The following ATP8B4 variants were observed in gnomAD, a reference collection of about 807,000 sequenced individuals.
ATP8B4 encodes the protein probable phospholipid-transporting ATPase IM.
ATP8B4 carries 133 observed loss-of-function variants against 145.6 expected under a neutral mutation model. The ratio of observed to expected loss-of-function variants is 0.91; its 90% CI spans 0.79 to 1.05. The LOEUF (loss-of-function observed/expected upper bound fraction) is 1.05, where lower values mean the gene tolerates loss of function less well. Among genes scored for constraint, ATP8B4 ranks in the 50% least tolerant of loss-of-function variants. The probability of loss-of-function intolerance (pLI) is 0.00; values close to 1 mark genes in which losing one functional copy is unlikely to be tolerated. For missense variants in ATP8B4, 1,458 were observed against 1,425.2 expected, an observed-to-expected ratio of 1.02 and a Z score of -0.37; for synonymous variants, 507 against 492.9, an observed-to-expected ratio of 1.03 and a Z score of -0.38.
At chr15:49,907,071 A>G (rs2038702531) in intron 20 of ATP8B4, among the ~76,000 whole-genome samples, 1 of 152,282 alleles carries the variant, frequency 6.6e-6, no homozygotes, top group African/African-American at 2.4e-5. Flanking sequence ...CAGAGTGTGG[A>G]AGTCAGCCAA....
At chr15:50,066,246 T>G (rs2053375819) in intron 3 of ATP8B4, among the ~76,000 whole-genome samples, 1 of 152,154 alleles carries the variant, frequency 6.6e-6, no homozygotes, top group Non-Finnish European at 1.5e-5. Context: ...CATGTCAAAC[T>G]TAGAATAACA....
At chr15:50,027,746 T>C (rs898327422) in intron 6 of ATP8B4, among the ~76,000 whole-genome samples, 1 of 152,242 alleles carries the variant, frequency 6.6e-6, no homozygotes, top group African/African-American at 2.4e-5. Flanking sequence ...ATGTACTTTA[T>C]TGCACCATAG....
intron 6 of ATP8B4, among the ~76,000 whole-genome samples, chr15:50,023,000 C>T (rs548619808): frequency 6.6e-6 from 1 of 152,224 alleles, no homozygotes; most frequent in Admixed American, 6.5e-5. Flanking sequence ...CCATTTTTCT[C>T]TATTAGGAAG....
At chr15:49,982,003 G>A (rs1487731502) in intron 10 of ATP8B4, among the ~76,000 whole-genome samples, 1 of 152,144 alleles carries the variant, frequency 6.6e-6, no homozygotes, top group Non-Finnish European at 1.5e-5. Context: ...GAAAAATATT[G>A]TTAAAGAAAT....
Position 49,979,827 on chromosome 15 carries a change from G to A in ATP8B4, c.838-14C>T. The A allele has an allele frequency of 6.5e-7, 1 of 1,546,374 alleles. No homozygotes were observed. On this transcript the variant is annotated splice_polypyrimidine_tract_variant and intron_variant, in intron 11 of 27. Coordinates refer to ENST00000284509, the MANE Select transcript of ATP8B4 (RefSeq NM_024837.4). ...AAACCCAAAAATCTGAAATAAGATA[G>A]AAGTGTGGTTAAGGTTAACTTGAAC...
chr15:50,085,970 T>G (rs1388035533), intron 2 of ATP8B4, among the ~76,000 whole-genome samples: 1 of 89,248 alleles, frequency 1.1e-5, no homozygotes, highest in Non-Finnish European at 1.8e-5. Context: ...TATTTATATA[T>G]GATATATCAA....
chr15:50,169,818 G>T (rs1052822016), intron 1 of ATP8B4, among the ~76,000 whole-genome samples: 1 of 152,150 alleles, frequency 6.6e-6, no homozygotes, highest in Non-Finnish European at 1.5e-5. Flanking sequence ...TATAGAAATA[G>T]ATAGCTTAAA....
intron 24 of ATP8B4, among the ~76,000 whole-genome samples, chr15:49,877,687 T>A (rs1459127055): frequency 6.6e-6 from 1 of 152,182 alleles, no homozygotes; most frequent in East Asian, 1.9e-4. Context: ...TTAATCCGCC[T>A]GAGCCTTGGT....
At chr15:50,008,852 GCTC>G (rs2048510516) in intron 7 of ATP8B4, among the ~76,000 whole-genome samples, 1 of 152,150 alleles carries the variant, frequency 6.6e-6, no homozygotes, top group African/African-American at 2.4e-5. Context: ...CGTTCATGGG[GCTC>G]CTAACACTCA....
At chr15:49,923,590 G>T in intron 16 of ATP8B4, 96 bp from the exon 17 acceptor site, 2 of 796,458 alleles carry the variant, frequency 2.5e-6, no homozygotes, top group Non-Finnish European at 4.0e-6. Flanking sequence ...TTGGAAATGG[G>T]CATAATGTTT....
chr15:49,860,303 G>T lies in ATP8B4; in HGVS notation c.3470C>A (p.Ser1157Ter). 1 of 1,614,118 alleles carries T rather than the reference G, an allele frequency of 6.2e-7. No homozygotes were observed. Among genetic ancestry groups the T allele is most frequent in the Non-Finnish European group, 8.5e-7 (1 of 1,179,996 alleles). Residue 1157 changes from serine (S) to a stop codon, truncating the protein, a stop_gained, in exon 28 of 28, where the codon TCA becomes TAA. Coordinates refer to ENST00000284509, the MANE Select transcript of ATP8B4 (RefSeq NM_024837.4). LOFTEE classifies it high-confidence loss of function. ...ATTATAATGTGTCTTTTCCAGCCCT[G>T]ATGTTGGGGGTGGATTTTTAGCTCG... ...NMRAKNPPPTSGLEKTHYNST... is the reference protein window; with the variant it reads ...NMRAKNPPPT
intron 27 of ATP8B4, among the ~76,000 whole-genome samples, chr15:49,861,847 CCCTTTGACTCATA>C (rs2031879282): frequency 6.6e-6 from 1 of 152,108 alleles, no homozygotes; most frequent in African/African-American, 2.4e-5. Context: ...AATGTTAAGC[CCCTTTGACTCATA>C]CCATGCTTGT....
At chr15:49,948,209 C>T (rs557869566) in intron 14 of ATP8B4, among the ~76,000 whole-genome samples, 9 of 149,056 alleles carry the variant, frequency 6.0e-5, no homozygotes, top group African/African-American at 1.7e-4. Context: ...GAGGTCGAGG[C>T]GGCAGATCAG....
At chr15:49,898,816 G>C (rs778897861) in intron 21 of ATP8B4, among the ~76,000 whole-genome samples, 23 of 152,170 alleles carry the variant, frequency 1.5e-4, no homozygotes, top group Non-Finnish European at 2.8e-4. Flanking sequence ...AGGGGGGCAC[G>C]CAAGCTGCGT....
intron 2 of ATP8B4, among the ~76,000 whole-genome samples, chr15:50,075,562 T>C (rs2054119959): frequency 6.6e-6 from 1 of 152,202 alleles, no homozygotes; most frequent in Non-Finnish European, 1.5e-5. Flanking sequence ...CAGGTCTCTG[T>C]GATGGTTCCT....
intron 6 of ATP8B4, among the ~76,000 whole-genome samples, chr15:50,030,129 A>G (rs1567226977): frequency 6.6e-6 from 1 of 152,212 alleles, no homozygotes; most frequent in East Asian, 1.9e-4. Flanking sequence ...AGAAAACTTT[A>G]TATTTTTAAA....
intron 12 of ATP8B4, among the ~76,000 whole-genome samples, chr15:49,978,739 TACACACACACACACACACACACAC>T (rs60436585): frequency 3.3e-5 from 4 of 122,786 alleles, no homozygotes; most frequent in Non-Finnish European, 5.1e-5. Context: ...CTTTATCAAA[TACACACACACACACACACACACAC>T]ACACACACAC....
At chr15:50,177,670 T>C (rs1231447804) in intron 1 of ATP8B4, among the ~76,000 whole-genome samples, 1 of 152,128 alleles carries the variant, frequency 6.6e-6, no homozygotes, top group Non-Finnish European at 1.5e-5. Flanking sequence ...CTCTACCGAG[T>C]AGTTTGGAAG....
intron 19 of ATP8B4, 55 bp downstream of exon 19, chr15:49,918,784 G>A: frequency 4.6e-6 from 6 of 1,296,532 alleles, no homozygotes; most frequent in Non-Finnish European, 6.6e-6. Flanking sequence ...AAAATTTTGT[G>A]ATATAAGTCA....
Sources: gnomAD v4.1 joint callset for allele counts (sites outside exome capture counted in the v4.1 genomes callset) on GRCh38, gnomAD v4.1.1 for gene constraint, MANE v1.5 for transcripts, NCBI Gene and HGNC (gene_info 2026-07-23, HGNC 2026-07-21) for gene names.